ALG6: variants seen among roughly 807,000 people sequenced by gnomAD.
ALG6 encodes dolichyl pyrophosphate Man9GlcNAc2 alpha-1,3-glucosyltransferase.
A neutral mutation model predicts 66.6 loss-of-function variants in ALG6; 46 were observed. The ratio of observed to expected loss-of-function variants is 0.69; its 90% CI spans 0.55 to 0.88. The LOEUF (loss-of-function observed/expected upper bound fraction) is 0.88, where lower values mean the gene tolerates loss of function less well. Ranked by LOEUF, ALG6 falls within the 40% of genes least tolerant of loss-of-function variation. The probability of loss-of-function intolerance (pLI) is 0.00; values close to 1 mark genes in which losing one functional copy is unlikely to be tolerated. For missense variants in ALG6, 505 were observed against 586.8 expected, an observed-to-expected ratio of 0.86 and a Z score of 1.44; for synonymous variants, 185 against 203.7, an observed-to-expected ratio of 0.91 and a Z score of 0.78.
At chr1:63,368,814 T>C (rs564795806) in intron 1 of ALG6, among the ~76,000 whole-genome samples, 1 of 152,294 alleles carries the variant, frequency 6.6e-6, no homozygotes, top group East Asian at 1.9e-4. Context: ...TTTATGCTTT[T>C]TAAATTGGAA....
chr1:63,367,665 C>T lies in ALG6; in HGVS notation c.-230C>T, dbSNP rs1448798878. On this transcript the variant is annotated 5_prime_UTR_variant, in exon 1 of 15. Transcript: ENST00000263440. The stretch of plus-strand genomic sequence containing the variant: ...CCTGGGACCCACGGCAGGCGCGAAT[C>T]CCAGCGGCCGGCGGGCGGCGGGGTA... The T allele has an allele frequency of 6.6e-6, 1 of 152,332 alleles. No individual in the cohort carries two copies. Among genetic ancestry groups the T allele is most frequent in the African/African-American group, 2.4e-5 (1 of 41,480 alleles). The allele number at this position is 152,332 out of a possible 1,614,324, so 9.4% of individuals were successfully genotyped here.
At chr1:63,386,363 T>C (rs1349042554) in intron 2 of ALG6, among the ~76,000 whole-genome samples, 2 of 152,188 alleles carry the variant, frequency 1.3e-5, no homozygotes, top group Non-Finnish European at 2.9e-5. Context: ...TCTCTATTTT[T>C]TGGAATAGTT....
intron 12 of ALG6, among the ~76,000 whole-genome samples, chr1:63,424,847 T>G (rs1310715946): frequency 6.7e-6 from 1 of 150,258 alleles, no homozygotes; most frequent in Non-Finnish European, 1.5e-5. Context: ...GGTGCAATCT[T>G]AGCTCACTAC....
At chr1:63,375,170 T>G (rs1648080621) in intron 2 of ALG6, among the ~76,000 whole-genome samples, 1 of 151,792 alleles carries the variant, frequency 6.6e-6, no homozygotes, top group Non-Finnish European at 1.5e-5. Flanking sequence ...CCACTGCACT[T>G]CAGCCTGGGT....
chr1:63,371,079 T>TAAA lies in ALG6; in HGVS notation c.82+28_82+30dup. On this transcript the variant is annotated intron_variant, in intron 2 of 14. Transcript: ENST00000263440. The stretch of plus-strand genomic sequence containing the variant: ...ATTCAGGTAATACATTTTTACTGGT[T>TAAA]AAAAAAAAAACGAAATTTTCCTTTG... The TAAA allele has an allele frequency of 7.0e-7, 1 of 1,423,644 alleles. No homozygotes were observed. The highest frequency in any genetic ancestry group is 2.5e-5 in the East Asian group (1 of 39,384). 88.2% of individuals were successfully genotyped at this position (1,423,644 alleles called of 1,614,324 possible). A position where few individuals can be genotyped will look rare whatever the true frequency, so the allele number is the denominator to read the frequency against.
intron 11 of ALG6, 118 bp downstream of exon 11, chr1:63,416,075 A>C (rs1160141105): frequency 1.3e-6 from 1 of 786,638 alleles, no homozygotes; most frequent in Non-Finnish European, 2.2e-6. Flanking sequence ...TTTATTTGGC[A>C]GACATTTATT....
intron 12 of ALG6, among the ~76,000 whole-genome samples, chr1:63,427,369 T>G (rs537082869): frequency 1.4e-4 from 21 of 152,132 alleles, no homozygotes; most frequent in African/African-American, 5.1e-4. Context: ...ATCTCATATA[T>G]TAGTTGACAT....
intron 2 of ALG6, among the ~76,000 whole-genome samples, chr1:63,387,532 C>A (rs867432202): frequency 5.0e-5 from 3 of 59,494 alleles, no homozygotes; most frequent in African/African-American, 1.4e-4. Context: ...TTGTCTTTCT[C>A]TTTTTTTTTT....
chr1:63,380,648 A>G (rs75737921), intron 2 of ALG6, among the ~76,000 whole-genome samples: 1,898 of 152,262 alleles, frequency 0.012, 33 homozygotes, highest in African/African-American at 0.043. Context: ...AAATACTACA[A>G]ATTTTTAAAT....
intron 1 of ALG6, 21 bp from the exon 2 acceptor site, chr1:63,370,750 T>A (rs990960812): frequency 1.1e-5 from 6 of 554,068 alleles, no homozygotes; most frequent in African/African-American, 1.9e-5. Flanking sequence ...TGAATCTTGA[T>A]ATCTTTTTTT....
intron 2 of ALG6, among the ~76,000 whole-genome samples, chr1:63,371,589 CATTTTATTTTATTTT>C (rs540220728): frequency 1.3e-5 from 2 of 151,952 alleles, no homozygotes; most frequent in African/African-American, 2.4e-5. Flanking sequence ...AGAGGGCCCA[CATTTTATTTTATTTT>C]ATTTTATTTT....
chr1:63,419,287 G>A, intron 11 of ALG6, 83 bp from the exon 12 acceptor site: 1 of 1,155,528 alleles, frequency 8.7e-7, no homozygotes, highest in Non-Finnish European at 1.3e-6. Flanking sequence ...CATTTGAAAT[G>A]ATTTTTATTT....
rs550773156 is a variant in ALG6 at position 63,376,607 on chromosome 1, A to T, written c.82+5548A>T. Among the ~76,000 whole-genome samples the T allele has an allele frequency of 3.4e-3, 521 of 152,262 alleles. 3 individuals are homozygous for T. Among genetic ancestry groups the T allele is most frequent in the African/African-American group, 0.011 (461 of 41,562 alleles). ...TGAGTTATTTAGAATTATGTTTAAA[A>T]TTTTTTAAATATTTAGGCTTTAAAA... On this transcript the variant is annotated intron_variant, in intron 2 of 14. Transcript: ENST00000263440.
intron 2 of ALG6, among the ~76,000 whole-genome samples, chr1:63,374,304 C>T (rs890060445): frequency 1.3e-5 from 2 of 152,110 alleles, no homozygotes; most frequent in African/African-American, 4.8e-5. Flanking sequence ...CCTTGAGCCT[C>T]TTCTATCAAG....
intron 3 of ALG6, among the ~76,000 whole-genome samples, chr1:63,397,808 G>A (rs1016183037): frequency 2.6e-5 from 4 of 152,078 alleles, no homozygotes; most frequent in African/African-American, 4.8e-5. Flanking sequence ...TGTGACCTTT[G>A]GCAAATCATT....
chr1:63,406,902 A>G (rs1644492026), intron 6 of ALG6, among the ~76,000 whole-genome samples, 160 bp from the exon 7 acceptor site: 1 of 152,068 alleles, frequency 6.6e-6, no homozygotes, highest in Non-Finnish European at 1.5e-5. Context: ...TTCATTGTCT[A>G]AAGAGTTGTA....
At chr1:63,436,010 GA>G (rs1242785065) in intron 14 of ALG6, among the ~76,000 whole-genome samples, 1 of 152,094 alleles carries the variant, frequency 6.6e-6, no homozygotes, top group African/African-American at 2.4e-5. Context: ...TCAGTAGATG[GA>G]AAACTCTTTG....
chr1:63,383,680 A>G (rs566177706), intron 2 of ALG6, among the ~76,000 whole-genome samples: 4 of 152,378 alleles, frequency 2.6e-5, no homozygotes, highest in East Asian at 3.9e-4. Flanking sequence ...TATTATAAAC[A>G]TTCCATTTAT....
chr1:63,369,025 T>C (rs1172392794), intron 1 of ALG6, among the ~76,000 whole-genome samples: 2 of 152,218 alleles, frequency 1.3e-5, no homozygotes, highest in African/African-American at 4.8e-5. Flanking sequence ...TTTAACACCA[T>C]AGATTAGTTT....
Sources: gnomAD v4.1 joint callset for allele counts (sites outside exome capture counted in the v4.1 genomes callset) on GRCh38, gnomAD v4.1.1 for gene constraint, MANE v1.5 for transcripts, NCBI Gene and HGNC (gene_info 2026-07-23, HGNC 2026-07-21) for gene names.